The following STAG3 variants were observed in gnomAD, a reference collection of about 807,000 sequenced individuals.
STAG3 encodes the protein cohesin subunit SA-3.
A neutral mutation model predicts 160.7 loss-of-function variants in STAG3; 101 were observed. That is an observed-to-expected ratio of 0.63 (90% confidence interval 0.54 to 0.74). The LOEUF is 0.74. STAG3 is among the 30% of genes least tolerant of loss of function. The pLI is 0.00. For synonymous variants in STAG3, 519 were observed against 585.0 expected (o/e 0.89, Z 1.63); for missense variants, 1,188 against 1,517.4 (o/e 0.78, Z 3.61).
In STAG3 at chr7:100,211,110, T is replaced by C; in HGVS notation, c.3338T>C (p.Val1113Ala). The C allele has an allele frequency of 6.2e-7, 1 of 1,601,202 alleles. No individual in the cohort carries two copies. The highest frequency in any genetic ancestry group is 1.3e-5 in the African/African-American group (1 of 74,454). Residue 1113 changes from valine to alanine, a missense_variant, in exon 30 of 34, where the codon GTG becomes GCG. Val to Ala is a moderately conservative substitution (Grantham distance 64). Around this residue, in one of 4 missense-constraint regions of STAG3, gnomAD observed 647 missense variants for 717.2 expected, o/e 0.90. Transcript: ENST00000615138. ...PPTPTLTSTA[V>A]KSRQPLWGLK... ...ACGCCCACCCTCACCTCCACAGCTGTGAAGAGCAGGCAGCCCCTGTGGGGG... is the reference window on the plus strand; with the variant it reads ...ACGCCCACCCTCACCTCCACAGCTGCGAAGAGCAGGCAGCCCCTGTGGGGG...
downstream of STAG3, among the ~76,000 whole-genome samples, chr7:100,215,507 C>T (rs1431801292): frequency 6.6e-6 from 1 of 152,166 alleles, no homozygotes; most frequent in Non-Finnish European, 1.5e-5. Flanking sequence ...GGAAAGGAGC[C>T]TGTTTTGTGG....
intron 30 of STAG3, 37 bp from the exon 31 acceptor site, chr7:100,211,398 G>A (rs1802189612): frequency 6.2e-7 from 1 of 1,604,856 alleles, no homozygotes; most frequent in African/African-American, 1.3e-5. Flanking sequence ...TCTTACCCTT[G>A]ATTTTTATCC....
rs764276160 is a variant in STAG3 at position 100,197,905 on chromosome 7, C to T, written c.1164+29C>T. 3 of 1,597,034 alleles carry T rather than the reference C, an allele frequency of 1.9e-6. No homozygotes were observed. The South Asian group carries it at 3.3e-5, about 18-fold the overall frequency. On this transcript the variant is annotated intron_variant, in intron 11 of 33. Coordinates refer to ENST00000615138, the MANE Select transcript of STAG3 (RefSeq NM_001282717.2). ...AAATGGGTGGTGCTCCATGGCTTGG[C>T]TCTTTGTCGTGGTTCCTATTTCCCC...
rs1801109656 is a variant in STAG3 at position 100,201,288 on chromosome 7, G to C, written c.2157G>C (p.Glu719Asp). The C allele has an allele frequency of 6.2e-7, 1 of 1,614,112 alleles. No homozygotes were observed. The highest frequency in any genetic ancestry group is 1.7e-5 in the Admixed American group (1 of 60,014). ...FYNTHDLTRWELYEPCCQLLQ... is the reference protein window; with the variant it reads ...FYNTHDLTRWDLYEPCCQLLQ... ...GCACTCATGACCTGACTCGCTGGGA[G>C]CTCTATGAGCCATGTTGCCAACTCC... is the stretch of plus-strand genomic sequence containing the variant. The change falls in exon 21 of 34, where the codon GAG becomes GAC. Residue 719 changes from glutamate to aspartate, a missense_variant. Glu to Asp is a conservative substitution (Grantham distance 45). Coordinates refer to ENST00000615138, the MANE Select transcript of STAG3 (RefSeq NM_001282717.2).
Position 100,195,362 on chromosome 7 carries a change from T to C in STAG3, c.921T>C (p.Gly307=), listed in dbSNP as rs749078367. The change falls in exon 9 of 34, where the codon GGT becomes GGC. Residue 307 remains glycine, a synonymous_variant. Coordinates refer to ENST00000615138, the MANE Select transcript of STAG3 (RefSeq NM_001282717.2). ...IEGMMNALFR[G]VFVHRYRDVL... ...GGATGATGAATGCCCTCTTCAGGGG[T>C]GTCTTTGTTCATCGGTACAGGTGAG... is the stretch of plus-strand genomic sequence containing the variant. The C allele has an allele frequency of 2.7e-5, 43 of 1,613,866 alleles. No homozygotes were observed. Among genetic ancestry groups the C allele is most frequent in the Non-Finnish European group, 3.6e-5 (42 of 1,179,984 alleles).
intron 32 of STAG3, chr7:100,212,867 T>C (rs1356838172): frequency 1.3e-5 from 2 of 152,110 alleles, no homozygotes; most frequent in African/African-American, 4.8e-5. Flanking sequence ...CTGGGTAACA[T>C]AGTAAACACG....
chr7:100,198,241 A>T, intron 12 of STAG3, 75 bp downstream of exon 12: 1 of 1,425,300 alleles, frequency 7.0e-7, no homozygotes, highest in Admixed American at 1.7e-5. Context: ...CACCTGTCAT[A>T]GCTGACTCTT....
intron 1 of STAG3, among the ~76,000 whole-genome samples, chr7:100,180,198 C>T (rs1419060905): frequency 6.6e-6 from 1 of 152,106 alleles, no homozygotes; most frequent in African/African-American, 2.4e-5. Flanking sequence ...TGAATACAGG[C>T]ATGCTCTACC....
At chr7:100,213,592 T>C (rs1292708131) in intron 32 of STAG3, 143 bp from the exon 33 acceptor site, 12 of 1,490,846 alleles carry the variant, frequency 8.0e-6, no homozygotes, top group Non-Finnish European at 9.8e-6. Flanking sequence ...GTGCCCACAC[T>C]GACTTCCCTC....
chr7:100,194,135 C>T (rs1161986292), intron 8 of STAG3, among the ~76,000 whole-genome samples: 8 of 151,876 alleles, frequency 5.3e-5, no homozygotes, highest in South Asian at 4.2e-4. Flanking sequence ...TTAGTAGAGA[C>T]GGGGTTTCGC....
chr7:100,198,407 T>A (rs1800835370), intron 12 of STAG3, 68 bp from the exon 13 acceptor site: 1 of 1,553,880 alleles, frequency 6.4e-7, no homozygotes, highest in South Asian at 1.1e-5. Context: ...CTCTTTTTGT[T>A]TCTAGCCTTG....
chr7:100,192,936 C>CATTCA (rs1305880595), intron 8 of STAG3, among the ~76,000 whole-genome samples: 5 of 152,208 alleles, frequency 3.3e-5, no homozygotes, highest in Admixed American at 3.3e-4. Context: ...AGAGGAATCA[C>CATTCA]TGTGGCAGCT....
chr7:100,201,372 T>A, intron 21 of STAG3, 21 bp downstream of exon 21: 1 of 1,609,624 alleles, frequency 6.2e-7, no homozygotes, highest in Non-Finnish European at 8.5e-7. Context: ...AGGCTAGAGA[T>A]GGGTTGGGGG....
intron 20 of STAG3, 28 bp from the exon 21 acceptor site, chr7:100,201,236 G>A (rs374633797): frequency 3.1e-6 from 5 of 1,613,820 alleles, no homozygotes; most frequent in Non-Finnish European, 3.4e-6. Flanking sequence ...TTCTTTTCCA[G>A]TATAACATTC....
chr7:100,196,752 C>T (rs1277414390), intron 9 of STAG3, among the ~76,000 whole-genome samples: 1 of 152,050 alleles, frequency 6.6e-6, no homozygotes, highest in Admixed American at 6.5e-5. Context: ...GATTGTGCCG[C>T]TGCACTCCAG....
rs754020972 is a variant in STAG3, at chr7:100,188,541, T to C, written c.510+12T>C. On this transcript the variant is annotated intron_variant, in intron 6 of 33. Transcript: ENST00000615138. ...AGCAGTTTAATGAGGTGGAAGAAGA[T>C]GACCAGGATCCTCTTACCCCTCTTA... 8.8e-6 allele frequency: 14 copies of C among 1,594,486 alleles called. No individual in the cohort carries two copies. Among genetic ancestry groups the C allele is most frequent in the Non-Finnish European group, 1.2e-5 (14 of 1,162,094 alleles).
chr7:100,179,182 G>A (rs1209583921), intron 1 of STAG3, among the ~76,000 whole-genome samples: 1 of 145,670 alleles, frequency 6.9e-6, no homozygotes, highest in Non-Finnish European at 1.5e-5. Flanking sequence ...AAATTCCCTT[G>A]CAGCAGGCAG....
Position 100,198,514 on chromosome 7 carries a change from C to T in STAG3, c.1284C>T (p.Ser428=), listed in dbSNP as rs745863293. The T allele has an allele frequency of 5.8e-5, 94 of 1,614,078 alleles. No homozygotes were observed. The highest frequency in any genetic ancestry group is 4.2e-4 in the Admixed American group (25 of 60,010). The change falls in exon 13 of 34, where the codon AGC becomes AGT. Residue 428 remains serine (S), a synonymous_variant. Transcript: ENST00000615138. ...EGVLTDADCE[S]VYPVVYASHR... ...TGCTGACGGACGCGGATTGTGAGAG[C>T]GTCTACCCAGTTGTGTATGCCTCTC...
intron 8 of STAG3, among the ~76,000 whole-genome samples, chr7:100,193,086 T>TTG (rs1800441629): frequency 6.6e-6 from 1 of 152,220 alleles, no homozygotes; most frequent in African/African-American, 2.4e-5. Flanking sequence ...TCACCAGAGC[T>TTG]CTTGGGTGAC....
Sources: gnomAD v4.1 joint callset for allele counts (sites outside exome capture counted in the v4.1 genomes callset) on GRCh38, gnomAD v4.1.1 for gene constraint, gnomAD v4.1.1 regional missense constraint, MANE v1.5 for transcripts, NCBI Gene and HGNC (gene_info 2026-07-23, HGNC 2026-07-21) for gene names.